OBSL1: variants seen among roughly 807,000 people sequenced by gnomAD.
OBSL1 encodes obscurin like cytoskeletal adaptor 1, also known as obscurin-like protein 1.
OBSL1 carries 160 observed loss-of-function variants against 172.0 expected under a neutral mutation model. The observed-to-expected ratio is 0.93, with a 90% confidence interval of 0.82 to 1.06. The LOEUF is 1.06. OBSL1 is among the 50% of genes least tolerant of loss of function. OBSL1 has a pLI of 0.00. For missense variants in OBSL1, 2,681 were observed against 2,715.4 expected, an observed-to-expected ratio of 0.99 and a Z score of 0.28; for synonymous variants, 1,200 against 1,196.3, an observed-to-expected ratio of 1.00 and a Z score of -0.06.
chr2:219,551,435 C>T (rs751544791), intron 20 of OBSL1, 94 bp downstream of exon 20: 55 of 1,438,460 alleles, frequency 3.8e-5, no homozygotes, highest in Non-Finnish European at 4.6e-5. Flanking sequence ...CCGTTGCCAC[C>T]CCAAGTTCTG....
Position 219,565,303 on chromosome 2 carries a change from G to A in OBSL1, c.2346C>T (p.Asp782=). The change falls in exon 6 of 21, where the codon GAC becomes GAT. Residue 782 remains aspartate (D), a synonymous_variant. Coordinates refer to ENST00000404537, the MANE Select transcript of OBSL1 (RefSeq NM_015311.3). ...RLILPEAKVQ[D]SGEFECRTEG... ...CTGTCCTGCACTCAAACTCGCCACT[G>A]TCCTGGACTTTGGCCTCAGGCAGGA... 6.2e-7 allele frequency: 1 copy of A among 1,614,034 alleles called. No homozygotes were observed. The highest frequency in any genetic ancestry group is 8.5e-7 in the Non-Finnish European group (1 of 1,179,896).
Position 219,565,275 on chromosome 2 carries a change from C to G in OBSL1, c.2374G>C (p.Gly792Arg), listed in dbSNP as rs1696800223. The change falls in exon 6 of 21, where the codon GGG becomes CGG. Residue 792 changes from glycine (G) to arginine (R), a missense_variant. Physicochemically the swap from Gly to Arg is moderately radical, Grantham distance 125. This residue lies in a region of OBSL1 where 1,765 missense variants were observed against 1,748.3 expected (regional missense o/e 1.01). Transcript: ENST00000404537. ...DSGEFECRTE[G>R]VSAFFGVTVQ... is the part of the protein sequence containing the mutation. ...GTGACGCCGAAGAAGGCCGAGACCC[C>G]TTCTGTCCTGCACTCAAACTCGCCA... The G allele has an allele frequency of 6.2e-7, 1 of 1,613,788 alleles. No homozygotes were observed.
downstream of OBSL1, chr2:219,550,696 G>T: frequency 1.7e-6 from 2 of 1,186,670 alleles, no homozygotes; most frequent in Non-Finnish European, 2.4e-6. Context: ...GGCAAGGTCT[G>T]CCCCCCCACA....
At chr2:219,553,551 C>A (rs370697325) in intron 16 of OBSL1, 23 bp downstream of exon 16, 2 of 1,572,678 alleles carry the variant, frequency 1.3e-6, no homozygotes, top group South Asian at 2.2e-5. Context: ...CTGAAGTGGG[C>A]TTGGCTGGGG....
At chr2:219,547,520 A>G (rs770404365), downstream of OBSL1, 18 of 1,434,532 alleles carry the variant, frequency 1.3e-5, no homozygotes, top group Non-Finnish European at 1.7e-5. Flanking sequence ...CCGCTGCTTC[A>G]AGGCAGTGCT....
In OBSL1 at chr2:219,552,880, G is replaced by C; in HGVS notation, c.5134C>G (p.Leu1712Val). The C allele has an allele frequency of 6.5e-7, 1 of 1,542,464 alleles. No individual in the cohort carries two copies. The highest frequency in any genetic ancestry group is 8.7e-7 in the Non-Finnish European group (1 of 1,145,390). The stretch of plus-strand genomic sequence containing the variant: ...ACCCCGTACCCACCGCGCACGGTCA[G>C]GCGGACCGGTCCGGCGCGGGCCGTC... ...VGTARAGPVR[L>V]TVRERTVAVL... Residue 1712 changes from leucine (L) to valine (V), a missense_variant, in exon 17 of 21, where the codon CTG becomes GTG. Leu to Val is a conservative substitution (Grantham distance 32). Coordinates refer to ENST00000404537, the MANE Select transcript of OBSL1 (RefSeq NM_015311.3).
At chr2:219,563,156 C>T in intron 7 of OBSL1, 199 bp downstream of exon 7, 1 of 574,208 alleles carries the variant, frequency 1.7e-6, no homozygotes, top group South Asian at 3.0e-5. Context: ...CTTCCTTAGC[C>T]AAGACCAATG....
chr2:219,554,543 G>A lies in OBSL1; in HGVS notation c.4807C>T (p.Leu1603=), dbSNP rs757071946. 2 of 1,613,412 alleles carry A rather than the reference G, an allele frequency of 1.2e-6. No homozygotes were observed. ...AAGGAGACACAGCCTGAGTCGGCCAGGCCCAGGCCATTGAGTACCAGTCGG... is the reference window on the plus strand; with the variant it reads ...AAGGAGACACAGCCTGAGTCGGCCAAGCCCAGGCCATTGAGTACCAGTCGG... ...RHRLVLNGLG[L]ADSGCVSFTA... Residue 1603 remains leucine (L), a synonymous_variant, in exon 15 of 21, where the codon CTG becomes TTG. Coordinates refer to ENST00000404537, the MANE Select transcript of OBSL1 (RefSeq NM_015311.3).
In OBSL1 at chr2:219,551,659, T is replaced by C; in HGVS notation, c.5553A>G (p.Gly1851=). The change falls in exon 20 of 21, where the codon GGA becomes GGG. Residue 1851 remains glycine (G), a synonymous_variant. Coordinates refer to ENST00000404537, the MANE Select transcript of OBSL1 (RefSeq NM_015311.3). ...WLREGAELCP[G]DKYEMRSHGP... ...CGTGGCTGCGCATCTCATACTTATC[T>C]CCCGGGCACAGCTCGGCCCCCTCCC... is the stretch of plus-strand genomic sequence containing the variant. 1 of 1,611,394 alleles carries C rather than the reference T, an allele frequency of 6.2e-7. No homozygotes were observed.
chr2:219,558,077 G>A lies in OBSL1; in HGVS notation c.3536C>T (p.Thr1179Ile), dbSNP rs1321703972. ...AGGGGCCACACAGAGCGGGCTTGGA[G>A]TTGTCTCTAGAGCAAGGAACTGCAC... The part of the protein sequence containing the change: ...PPVQFLALET[T>I]PSPLCVAPGE... The change falls in exon 11 of 21, where the codon ACT becomes ATT. Residue 1179 changes from threonine to isoleucine, a missense_variant. This residue lies in a region of OBSL1 where 1,765 missense variants were observed against 1,748.3 expected (regional missense o/e 1.01). Transcript: ENST00000404537. 1 of 1,613,792 alleles carries A rather than the reference G, an allele frequency of 6.2e-7. No homozygotes were observed. Among genetic ancestry groups the A allele is most frequent in the Admixed American group, 1.7e-5 (1 of 60,014 alleles).
intron 16 of OBSL1, among the ~76,000 whole-genome samples, chr2:219,553,316 C>T (rs531461092): frequency 6.6e-6 from 1 of 152,300 alleles, no homozygotes; most frequent in African/African-American, 2.4e-5. Context: ...GTTAGGCAAA[C>T]CTGGATTCGA....
At position 219,567,132 on chromosome 2, in the gene OBSL1, G is replaced by A. The variant is rs2106094429; in HGVS notation, c.1838-6C>T. On this transcript the variant is annotated splice_polypyrimidine_tract_variant and splice_region_variant and intron_variant, in intron 4 of 20. Transcript: ENST00000404537. ...CACCAGGCGAGCTGTGGGCACTGAG[G>A]CAGGGACAGAGTGCAGCTGTCAGAA... 2 of 1,612,362 alleles carry A rather than the reference G, an allele frequency of 1.2e-6. No homozygotes were observed. The highest frequency in any genetic ancestry group is 1.7e-6 in the Non-Finnish European group (2 of 1,179,092).
In OBSL1 at chr2:219,567,830, G is replaced by C. The variant is rs1370956131; in HGVS notation, c.1422C>G (p.Ser474Arg). 2.7e-5 allele frequency: 43 copies of C among 1,613,842 alleles called. No individual in the cohort carries two copies. Among genetic ancestry groups the C allele is most frequent in the Non-Finnish European group, 3.2e-5 (38 of 1,179,896 alleles). The part of the protein sequence containing the change: ...DGEELPVICQ[S>R]SSGHMHALVL... ...CCAGGGCATGCATGTGGCCTGAGCT[G>C]CTCTGGCAGATGACCGGCAGCTCCT... The change falls in exon 3 of 21, where the codon AGC becomes AGG. Residue 474 changes from serine to arginine, a missense_variant. This residue lies in a region of OBSL1 where 706 missense variants were observed against 695.8 expected (regional missense o/e 1.01). Coordinates refer to ENST00000404537, the MANE Select transcript of OBSL1 (RefSeq NM_015311.3).
chr2:219,558,290 CT>C lies in OBSL1; in HGVS notation c.3395del (p.Glu1132GlyfsTer7), dbSNP rs1232659053. ...EASDALQLGA[E>X]GPTRTLTLPH... ...GCAGGGTCAGGGTGCGGGTGGGCCC[CT>C]CGGCACCCAGCTGCAGGGCATCTGA... is the stretch of plus-strand genomic sequence containing the variant. On this transcript the variant is annotated frameshift_variant, in exon 10 of 21. Coordinates refer to ENST00000404537, the MANE Select transcript of OBSL1 (RefSeq NM_015311.3). LOFTEE classifies it high-confidence loss of function. 6.2e-7 allele frequency: 1 copy of C among 1,611,830 alleles called. No homozygotes were observed. The highest frequency in any genetic ancestry group is 2.2e-5 in the East Asian group (1 of 44,826).
Position 219,559,285 on chromosome 2 carries a change from C to T in OBSL1, c.3166G>A (p.Gly1056Arg), listed in dbSNP as rs763401035. 16 of 1,613,650 alleles carry T rather than the reference C, an allele frequency of 9.9e-6. No individual in the cohort carries two copies. Among genetic ancestry groups the T allele is most frequent in the South Asian group, 7.7e-5 (7 of 91,072 alleles). ...LVLPAAQPEDGGEFVCDAGDD... is the reference protein window; with the variant it reads ...LVLPAAQPEDRGEFVCDAGDD... ...CCAGCATCACATACAAACTCGCCCC[C>T]GTCCTCGGGCTGAGCAGCAGGTAGC... The change falls in exon 9 of 21, where the codon GGG becomes AGG. Residue 1056 changes from glycine to arginine, a missense_variant. Gly to Arg is a moderately radical substitution (Grantham distance 125). Around this residue, in one of 5 missense-constraint regions of OBSL1, gnomAD observed 1,765 missense variants for 1,748.3 expected, o/e 1.01. Transcript: ENST00000404537.
In OBSL1 at chr2:219,559,468, C is replaced by G. The variant is rs546275387; in HGVS notation, c.2983G>C (p.Asp995His). The change falls in exon 9 of 21, where the codon GAT becomes CAT. Residue 995 changes from aspartate to histidine, a missense_variant. Transcript: ENST00000404537. Reference sequence around the variant, plus strand: ...GTCACGGCGATCAAGGTCACCTCATCGCGAGGGTATATGATCCGCACTGGG... The same window carrying G: ...GTCACGGCGATCAAGGTCACCTCATGGCGAGGGTATATGATCCGCACTGGG... Reference protein sequence around the residue: ...EPPVRIIYPRDEVTLIAVTLE... With the variant: ...EPPVRIIYPRHEVTLIAVTLE... The G allele has an allele frequency of 1.1e-5, 17 of 1,613,706 alleles. No individual in the cohort carries two copies. The African/African-American group carries it at 1.9e-4, about 18-fold the overall frequency.
At chr2:219,563,302 G>A (rs1696632507) in intron 7 of OBSL1, 53 bp downstream of exon 7, 1 of 1,486,642 alleles carries the variant, frequency 6.7e-7, no homozygotes, top group African/African-American at 1.4e-5. Flanking sequence ...AGCTGTTCCA[G>A]TGGGAGCAGG....
Position 219,550,735 on chromosome 2 carries a change from T to C in OBSL1, c.*100A>G. On this transcript the variant is annotated 3_prime_UTR_variant, in exon 21 of 21. Coordinates refer to ENST00000404537, the MANE Select transcript of OBSL1 (RefSeq NM_015311.3). ...CTCAGAGAGGCAAGGAAATGAGCTG[T>C]AGCACTTTTATTGTTCCTTGTCTCT... is the stretch of plus-strand genomic sequence containing the variant. 1.4e-6 allele frequency: 2 copies of C among 1,473,900 alleles called. No individual in the cohort carries two copies. The highest frequency in any genetic ancestry group is 1.2e-5 in the South Asian group (1 of 82,438). 91.3% of individuals were successfully genotyped at this position (1,473,900 alleles called of 1,614,324 possible).
In OBSL1 at chr2:219,558,034, C is replaced by T; in HGVS notation, c.3579G>A (p.Leu1193=). ...CGCCAGCCCGGGACAGTTCACAGCT[C>T]AGCACCACTGGCTCCCCAGGGGCCA... ...LCVAPGEPVV[L]SCELSRAGAP... The change falls in exon 11 of 21, where the codon CTG becomes CTA. Residue 1193 remains leucine (L), a synonymous_variant. Coordinates refer to ENST00000404537, the MANE Select transcript of OBSL1 (RefSeq NM_015311.3). 3.1e-6 allele frequency: 5 copies of T among 1,613,472 alleles called. No homozygotes were observed. Among genetic ancestry groups the T allele is most frequent in the Non-Finnish European group, 4.2e-6 (5 of 1,179,822 alleles).
Sources: allele counts gnomAD v4.1 joint callset (sites outside exome capture counted in the v4.1 genomes callset), GRCh38; gene constraint gnomAD v4.1.1; regional missense constraint gnomAD v4.1.1; transcripts MANE v1.5; gene names NCBI Gene and HGNC (gene_info 2026-07-23, HGNC 2026-07-21).